Variants in PRKAG2 observed in about 807,000 individuals in gnomAD.
PRKAG2 encodes 5'-AMP-activated protein kinase subunit gamma-2.
Under a neutral mutation model 69.6 loss-of-function variants are expected in PRKAG2, and 26 were observed. The ratio of observed to expected loss-of-function variants is 0.37; its 90% confidence interval spans 0.27 to 0.52. The LOEUF is 0.52. PRKAG2 is among the 20% of genes least tolerant of loss of function. The probability of loss-of-function intolerance (pLI) is 0.90; values close to 1 mark genes in which losing one functional copy is unlikely to be tolerated. For synonymous variants in PRKAG2, 293 were observed against 285.0 expected (o/e 1.03, Z -0.28); for missense variants, 557 against 740.0 (o/e 0.75, Z 2.87).
chr7:151,816,175 T>C (rs2078634120), intron 1 of PRKAG2, among the ~76,000 whole-genome samples: 1 of 152,128 alleles, frequency 6.6e-6, no homozygotes, highest in Non-Finnish European at 1.5e-5. Flanking sequence ...TTAAAGTCAC[T>C]TTCAGCCCAG....
intron 3 of PRKAG2, among the ~76,000 whole-genome samples, chr7:151,728,442 C>T (rs7797773): frequency 0.011 from 1,685 of 152,222 alleles, 38 homozygotes; most frequent in African/African-American, 0.038. Flanking sequence ...TCCTGTCTCA[C>T]AGGATGGGGG....
rs138951522 is a variant in PRKAG2, at chr7:151,778,675, C to T, written c.466+2477G>A. Among the ~76,000 whole-genome samples the T allele has an allele frequency of 7.2e-3, 1,090 of 152,314 alleles. 13 individuals carry two copies. Among genetic ancestry groups the T allele is most frequent in the African/African-American group, 0.023 (948 of 41,562 alleles). ...TCTTTCTTCTGCTGTTACCAACACCCGCAACTTCTGTTCCACATCTCGCCA... is the reference window on the plus strand; with the variant it reads ...TCTTTCTTCTGCTGTTACCAACACCTGCAACTTCTGTTCCACATCTCGCCA... On this transcript the variant is annotated intron_variant, in intron 3 of 15. Transcript: ENST00000287878.
At chr7:151,649,038 T>C (rs1828031198) in intron 4 of PRKAG2, among the ~76,000 whole-genome samples, 2 of 152,332 alleles carry the variant, frequency 1.3e-5, no homozygotes, top group South Asian at 2.1e-4. Flanking sequence ...TGTCACTAAA[T>C]GTGCTCAAAT....
chr7:151,834,415 C>T (rs912798988), intron 1 of PRKAG2, among the ~76,000 whole-genome samples: 5 of 152,200 alleles, frequency 3.3e-5, no homozygotes, highest in African/African-American at 9.6e-5. Flanking sequence ...CCATTGTTTT[C>T]AGGGGAGGTG....
At chr7:151,870,159 A>ATAGATAGAT (rs1563769279) in intron 1 of PRKAG2, among the ~76,000 whole-genome samples, 1 of 109,560 alleles carries the variant, frequency 9.1e-6, no homozygotes, top group African/African-American at 3.9e-5. Flanking sequence ...ATAGATAGGC[A>ATAGATAGAT]GGCAGGCAGG....
chr7:151,734,248 C>G (rs1328482388), intron 3 of PRKAG2: 1 of 152,190 alleles, frequency 6.6e-6, no homozygotes, highest in African/African-American at 2.4e-5. Context: ...TTAGATTTAC[C>G]TTTTTCTTTT....
At chr7:151,705,031 A>G (rs760809384) in intron 3 of PRKAG2, among the ~76,000 whole-genome samples, 4 of 152,270 alleles carry the variant, frequency 2.6e-5, no homozygotes, top group Admixed American at 6.5e-5. Flanking sequence ...ACTATCTTCT[A>G]TAGGAGACAC....
rs1196077553 is a variant in PRKAG2, at chr7:151,638,281, G to C, written c.685-6143C>G. 6.6e-6 allele frequency among the ~76,000 whole-genome samples: 1 copy of C among 152,162 alleles called. No homozygotes were observed. Among genetic ancestry groups the C allele is most frequent in the Non-Finnish European group, 1.5e-5 (1 of 68,036 alleles). On this transcript the variant is annotated intron_variant, in intron 4 of 15. Coordinates refer to ENST00000287878, the MANE Select transcript of PRKAG2 (RefSeq NM_016203.4). This position sits in a 1 kb window ranked among gnomAD's most constrained non-coding sequence, Gnocchi z 4.3. The stretch of plus-strand genomic sequence containing the variant: ...CAGAGGGACCCAAGTTGGACTTTAT[G>C]GAGAGAATGCCTGAGAAACATGGAG...
At chr7:151,864,986 A>G (rs971127334) in intron 1 of PRKAG2, among the ~76,000 whole-genome samples, 5 of 152,086 alleles carry the variant, frequency 3.3e-5, no homozygotes, top group Non-Finnish European at 7.4e-5. Flanking sequence ...TTAGATAACA[A>G]TTTTATATAA....
chr7:151,560,411 A>G lies in PRKAG2; in HGVS notation c.1678+113T>C, dbSNP rs566783149. 5.7e-5 allele frequency: 92 copies of G among 1,605,240 alleles called. No individual in the cohort carries two copies. In the African/African-American group the frequency reaches 9.5e-4, roughly 17 times the overall value. Reference sequence around the variant, plus strand: ...AAAATGGTTTCAAAGTAATATACTCAAAGCCTTGATCTGTAGGTGGGTGGA... The same window carrying G: ...AAAATGGTTTCAAAGTAATATACTCGAAGCCTTGATCTGTAGGTGGGTGGA... On this transcript the variant is annotated intron_variant, in intron 15 of 15. Transcript: ENST00000287878.
intron 6 of PRKAG2, among the ~76,000 whole-genome samples, chr7:151,579,371 C>T (rs1171831644): frequency 2.0e-5 from 3 of 152,122 alleles, no homozygotes; most frequent in East Asian, 1.9e-4. Context: ...TTCAAAATGA[C>T]AGATTTAGCA....
intron 1 of PRKAG2, among the ~76,000 whole-genome samples, chr7:151,789,219 G>A (rs951939630): frequency 6.6e-6 from 1 of 152,172 alleles, no homozygotes; most frequent in East Asian, 1.9e-4. Context: ...GATAGGGATT[G>A]CACTGAATCT....
intron 10 of PRKAG2, 75 bp downstream of exon 10, chr7:151,570,096 G>A: frequency 2.0e-6 from 3 of 1,506,192 alleles, no homozygotes; most frequent in South Asian, 1.2e-5. Flanking sequence ...GTTTATTTGT[G>A]TCTTTCTTTC....
At chr7:151,832,596 G>GGC (rs1554614837) in intron 1 of PRKAG2, among the ~76,000 whole-genome samples, 212 of 1,104 alleles carry the variant, frequency 0.19, 1 homozygote, top group Admixed American at 0.35. Context: ...AGGCATCTCT[G>GGC]GGGGGGGGGT....
intron 6 of PRKAG2, among the ~76,000 whole-genome samples, chr7:151,589,220 C>T (rs900894027): frequency 6.6e-6 from 1 of 152,204 alleles, no homozygotes; most frequent in Non-Finnish European, 1.5e-5. Flanking sequence ...CCTGTAGCAG[C>T]GGCTGAATAC....
chr7:151,568,678 ATGCAAT>A, intron 11 of PRKAG2, 32 bp downstream of exon 11: 1 of 1,605,398 alleles, frequency 6.2e-7, no homozygotes, highest in Non-Finnish European at 8.5e-7. Flanking sequence ...TAATAAGTAA[ATGCAAT>A]TATGTCTTTA....
intron 3 of PRKAG2, among the ~76,000 whole-genome samples, chr7:151,778,067 C>CCATGACT (rs1348145883): frequency 2.6e-5 from 4 of 152,246 alleles, no homozygotes; most frequent in Non-Finnish European, 4.4e-5. Context: ...CCACCCAGAC[C>CCATGACT]CATGACTCAT....
intron 1 of PRKAG2, among the ~76,000 whole-genome samples, chr7:151,829,837 C>CG (rs1563735389): frequency 6.6e-6 from 1 of 151,400 alleles, no homozygotes; most frequent in African/African-American, 2.4e-5. Flanking sequence ...ACGGGGTTGA[C>CG]GGGGGGAAGC....
In PRKAG2 at chr7:151,632,426, G is replaced by T; in HGVS notation, c.685-288C>A. ...CTTGGTACGGCCCGCCCGGGAGGAA[G>T]CGTGGGAAGGGACCCGGGAGCTCGA... is the stretch of plus-strand genomic sequence containing the variant. On this transcript the variant is annotated intron_variant, in intron 4 of 15. Transcript: ENST00000287878. This position sits in a 1 kb window ranked among gnomAD's most constrained non-coding sequence, Gnocchi z 4.2. The T allele has an allele frequency of 3.8e-6, 2 of 532,420 alleles. No individual in the cohort carries two copies. The highest frequency in any genetic ancestry group is 1.5e-4 in the East Asian group (1 of 6,806). 33.0% of individuals were successfully genotyped at this position (532,420 alleles called of 1,614,324 possible).
Sources: allele counts gnomAD v4.1 joint callset (sites outside exome capture counted in the v4.1 genomes callset), GRCh38; gene constraint gnomAD v4.1.1; non-coding constraint Gnocchi (gnomAD v3.1); transcripts MANE v1.5; gene names NCBI Gene and HGNC (gene_info 2026-07-23, HGNC 2026-07-21).